MYO9A: variants seen among roughly 807,000 people sequenced by gnomAD.
The protein encoded by MYO9A is unconventional myosin-IXa.
Under a neutral mutation model 293.3 loss-of-function variants are expected in MYO9A, and 103 were observed. The observed-to-expected ratio is 0.35, with a 90% CI of 0.30 to 0.41. The LOEUF (loss-of-function observed/expected upper bound fraction) is 0.41, where lower values mean the gene tolerates loss of function less well. MYO9A is among the 10% of genes least tolerant of loss of function. The probability of loss-of-function intolerance (pLI) is 1.00; values close to 1 mark genes in which losing one functional copy is unlikely to be tolerated. For missense variants in MYO9A, 2,685 were observed against 3,033.0 expected (o/e 0.89, Z 2.69); for synonymous variants, 1,001 against 1,035.7 (o/e 0.97, Z 0.64).
chr15:71,833,493 A>C (rs1281595282), intron 39 of MYO9A, among the ~76,000 whole-genome samples: 2 of 151,846 alleles, frequency 1.3e-5, no homozygotes, highest in East Asian at 1.9e-4. Flanking sequence ...AATATTGACA[A>C]AACTATTTTT....
intron 31 of MYO9A, 45 bp from the exon 32 acceptor site, chr15:71,875,883 C>T (rs896194530): frequency 9.2e-7 from 1 of 1,088,064 alleles, no homozygotes. Flanking sequence ...ATAACAAAGA[C>T]TAACATACTT....
chr15:72,084,605 A>T (rs1282969554), intron 1 of MYO9A, among the ~76,000 whole-genome samples: 1 of 152,190 alleles, frequency 6.6e-6, no homozygotes, highest in African/African-American at 2.4e-5. Flanking sequence ...GTGGCTGCTA[A>T]CAGTCTTTCC....
chr15:71,991,345 A>G, intron 10 of MYO9A, 108 bp from the exon 11 acceptor site: 1 of 833,262 alleles, frequency 1.2e-6, no homozygotes, highest in Non-Finnish European at 1.8e-6. Flanking sequence ...AGCAGTGTAC[A>G]GGGGATTGTG....
Position 72,046,486 on chromosome 15 carries a change from T to C in MYO9A, c.78A>G (p.Ser26=). 6.2e-7 allele frequency: 1 copy of C among 1,614,198 alleles called. No individual in the cohort carries two copies. The highest frequency in any genetic ancestry group is 8.5e-7 in the Non-Finnish European group (1 of 1,180,038). The change falls in exon 2 of 42, where the codon TCA becomes TCG. Residue 26 remains serine, a synonymous_variant. Coordinates refer to ENST00000356056, the MANE Select transcript of MYO9A (RefSeq NM_006901.4). ...GAATCGGACAGTAGATTGTCCCTTC[T>C]GAAATAGCCCCAGGATATATCCGTA... is the stretch of plus-strand genomic sequence containing the variant. ...HTLRIYPGAI[S]EGTIYCPIPA...
chr15:71,973,115 C>G (rs2076055392), intron 12 of MYO9A, among the ~76,000 whole-genome samples: 1 of 152,150 alleles, frequency 6.6e-6, no homozygotes. Flanking sequence ...GCTCAGGCTG[C>G]TGGCCTCAAA....
At position 71,898,783 on chromosome 15, in the gene MYO9A, G is replaced by A. The variant is rs932414517; in HGVS notation, c.3720C>T (p.Ser1240=). Residue 1240 remains serine, a synonymous_variant, in exon 25 of 42, where the codon AGC becomes AGT. Coordinates refer to ENST00000356056, the MANE Select transcript of MYO9A (RefSeq NM_006901.4). ...CTTCCTGCAAGTCCACACCACTCTG[G>A]CTTTGGGCTCTCTCCTGCTGCTTGT... ...SPNKQQERAQ[S]QSGVDLQEDV... 4 of 1,613,966 alleles carry A rather than the reference G, an allele frequency of 2.5e-6. No homozygotes were observed. The African/African-American group carries it at 5.3e-5, about 22-fold the overall frequency.
intron 1 of MYO9A, among the ~76,000 whole-genome samples, chr15:72,109,331 A>C (rs1187743726): frequency 6.6e-6 from 1 of 151,654 alleles, no homozygotes; most frequent in Admixed American, 6.6e-5. Flanking sequence ...TGGAGCATGC[A>C]GTGAGCCAAG....
chr15:71,951,574 GAAAAGTCACCAAAGTTAA>G, intron 15 of MYO9A, 185 bp downstream of exon 15: 1 of 503,318 alleles, frequency 2.0e-6, no homozygotes, highest in Middle Eastern at 4.4e-4. Context: ...CAGGCAAACA[GAAAAGTCACCAAAGTTAA>G]AAAAGTATAT....
intron 1 of MYO9A, among the ~76,000 whole-genome samples, chr15:72,108,012 T>C (rs929603862): frequency 6.6e-6 from 1 of 152,180 alleles, no homozygotes; most frequent in Non-Finnish European, 1.5e-5. Flanking sequence ...GAAGAATAAC[T>C]AATAAATGAA....
intron 2 of MYO9A, among the ~76,000 whole-genome samples, chr15:72,042,127 A>G (rs1344901241): frequency 1.4e-5 from 2 of 147,386 alleles, no homozygotes; most frequent in Non-Finnish European, 3.0e-5. Flanking sequence ...GATTGAATGC[A>G]AAAAAAAAAG....
chr15:71,993,707 C>G (rs938039375), intron 10 of MYO9A: 1 of 152,150 alleles, frequency 6.6e-6, no homozygotes, highest in East Asian at 1.9e-4. Flanking sequence ...CGGTGGCTCA[C>G]GCCTGTAATC....
rs1411862117 is a variant in MYO9A, at chr15:71,896,519, C to T, written c.5042+942G>A. ...TTACGGCTGGGTGCGGTGGCTCACA[C>T]CTGTAATCCCAGCAATTTGGGGGGC... On this transcript the variant is annotated intron_variant, in intron 25 of 41. Transcript: ENST00000356056. Among the ~76,000 whole-genome samples the T allele has an allele frequency of 2.0e-5, 3 of 152,106 alleles. No homozygotes were observed. The East Asian group carries it at 5.8e-4, about 29-fold the overall frequency.
chr15:72,083,055 CCCT>C (rs1172406926), intron 1 of MYO9A, among the ~76,000 whole-genome samples: 2 of 151,770 alleles, frequency 1.3e-5, no homozygotes, highest in Non-Finnish European at 2.9e-5. Context: ...AAGGAGGGGT[CCCT>C]CCTCCTCAAT....
At chr15:71,979,365 A>G (rs1428633561) in intron 11 of MYO9A, among the ~76,000 whole-genome samples, 3 of 152,218 alleles carry the variant, frequency 2.0e-5, no homozygotes, top group East Asian at 1.9e-4. Flanking sequence ...TACACACTAG[A>G]TAGTATGAGC....
At chr15:72,026,624 GA>G (rs909114660) in intron 4 of MYO9A, among the ~76,000 whole-genome samples, 24 of 150,952 alleles carry the variant, frequency 1.6e-4, no homozygotes, top group Non-Finnish European at 3.1e-4. Flanking sequence ...TAGGAAATAG[GA>G]AAAAAAATAG....
chr15:71,927,729 T>C (rs181230839), intron 18 of MYO9A, among the ~76,000 whole-genome samples: 1 of 151,988 alleles, frequency 6.6e-6, no homozygotes, highest in Admixed American at 6.6e-5. Context: ...AGCTCAAACC[T>C]GTGTTCAAGT....
intron 19 of MYO9A, among the ~76,000 whole-genome samples, chr15:71,915,295 C>T (rs997028258): frequency 1.3e-5 from 2 of 152,028 alleles, no homozygotes; most frequent in Non-Finnish European, 2.9e-5. Flanking sequence ...AACCAAATGC[C>T]ATTAACCCAT....
In MYO9A at chr15:72,046,097, T is replaced by C. The variant is rs190194477; in HGVS notation, c.467A>G (p.Asp156Gly). The C allele has an allele frequency of 1.1e-4, 182 of 1,614,004 alleles. 1 individual carries two copies. Among genetic ancestry groups the C allele is most frequent in the Non-Finnish European group, 1.2e-4 (143 of 1,179,992 alleles). The change falls in exon 2 of 42, where the codon GAT becomes GGT. Residue 156 changes from aspartate to glycine, a missense_variant. Coordinates refer to ENST00000356056, the MANE Select transcript of MYO9A (RefSeq NM_006901.4). ...TTCTAAGAGAGTTTTCTCATTCAAA[T>C]CAGGTAAACTACATAAATCATCAAA... The part of the protein sequence containing the change: ...KDFDDLCSLP[D>G]LNEKTLLENL...
At chr15:72,102,688 CAG>C (rs2080398868) in intron 1 of MYO9A, among the ~76,000 whole-genome samples, 1 of 151,840 alleles carries the variant, frequency 6.6e-6, no homozygotes. Flanking sequence ...AAAAGAAAAA[CAG>C]AAGCTTCCTT....
Sources: allele counts gnomAD v4.1 joint callset (sites outside exome capture counted in the v4.1 genomes callset), GRCh38; gene constraint gnomAD v4.1.1; transcripts MANE v1.5; gene names NCBI Gene and HGNC (gene_info 2026-07-23, HGNC 2026-07-21).